MAF: variants seen among roughly 807,000 people sequenced by gnomAD.
MAF encodes MAF bZIP transcription factor.
In MAF, 10 loss-of-function variants were observed where a neutral mutation model predicts 22.0. The observed-to-expected ratio is 0.45, with a 90% CI of 0.28 to 0.77. MAF has a LOEUF of 0.77. Ranked by LOEUF, MAF falls within the 30% of genes least tolerant of loss-of-function variation. The pLI is 0.12. For missense variants in MAF, 544 were observed against 548.4 expected (o/e 0.99, Z 0.08); for synonymous variants, 337 against 255.8 (o/e 1.32, Z -3.03).
the MAF span, among the ~76,000 whole-genome samples, chr16:79,231,798 T>C: frequency 6.6e-6 from 1 of 152,124 alleles, no homozygotes; most frequent in Admixed American, 6.6e-5. Flanking sequence ...TACGGTGAAC[T>C]GTATTTCTAT....
chr16:79,511,910 G>T, the MAF span, among the ~76,000 whole-genome samples: 2 of 152,244 alleles, frequency 1.3e-5, no homozygotes, highest in Admixed American at 6.5e-5. Context: ...AAGCCACCTT[G>T]ATTAGCTGCA....
At chr16:79,371,654 C>T in the MAF span, among the ~76,000 whole-genome samples, 1 of 152,176 alleles carries the variant, frequency 6.6e-6, no homozygotes, top group Non-Finnish European at 1.5e-5. Context: ...TCCCTAAAAA[C>T]CCTTCCCATG....
chr16:79,497,967 C>A, the MAF span, among the ~76,000 whole-genome samples: 3 of 152,192 alleles, frequency 2.0e-5, no homozygotes, highest in African/African-American at 7.2e-5. Flanking sequence ...GAAGACACCA[C>A]TCTGAGAGTA....
the MAF span, among the ~76,000 whole-genome samples, chr16:79,304,070 T>G: frequency 6.6e-6 from 1 of 152,238 alleles, no homozygotes; most frequent in Non-Finnish European, 1.5e-5. Context: ...GGGAACCTTG[T>G]GGGACCCAAG....
chr16:79,550,450 G>T, the MAF span, among the ~76,000 whole-genome samples: 1 of 152,062 alleles, frequency 6.6e-6, no homozygotes. Flanking sequence ...ATCACTCCCA[G>T]GTCTTTGACT....
At chr16:79,369,980 G>A in the MAF span, among the ~76,000 whole-genome samples, 2 of 152,154 alleles carry the variant, frequency 1.3e-5, no homozygotes, top group South Asian at 4.2e-4. Flanking sequence ...TCTTTTCTTG[G>A]CACTCAGTAG....
chr16:79,376,839 C>A, the MAF span, among the ~76,000 whole-genome samples: 8 of 152,196 alleles, frequency 5.3e-5, no homozygotes, highest in Admixed American at 2.6e-4. Context: ...CATGTTCCTA[C>A]AAAGGACATG....
At chr16:79,351,432 G>C in the MAF span, among the ~76,000 whole-genome samples, 1 of 152,148 alleles carries the variant, frequency 6.6e-6, no homozygotes, top group Non-Finnish European at 1.5e-5. Context: ...GCGGGAGAGA[G>C]GTTTTATTGT....
the MAF span, among the ~76,000 whole-genome samples, chr16:79,451,060 T>C: frequency 6.6e-6 from 1 of 152,108 alleles, no homozygotes; most frequent in Non-Finnish European, 1.5e-5. Flanking sequence ...TCTCATAAAA[T>C]GTGTCTTTTT....
At chr16:79,295,451 G>A in the MAF span, among the ~76,000 whole-genome samples, 1 of 152,214 alleles carries the variant, frequency 6.6e-6, no homozygotes, top group Non-Finnish European at 1.5e-5. Flanking sequence ...ACAGCTCGGT[G>A]TTTGCCTTAT....
At chr16:79,354,736 G>C in the MAF span, among the ~76,000 whole-genome samples, 31 of 152,294 alleles carry the variant, frequency 2.0e-4, no homozygotes, top group East Asian at 5.8e-3. Flanking sequence ...AATTTAATTA[G>C]ATCCTCTCCA....
At chr16:79,232,651 C>A in the MAF span, among the ~76,000 whole-genome samples, 1 of 151,850 alleles carries the variant, frequency 6.6e-6, no homozygotes, top group Non-Finnish European at 1.5e-5. Context: ...GAAGTTAAAT[C>A]AAAATAAAAA....
the MAF span, among the ~76,000 whole-genome samples, chr16:79,576,545 G>C: frequency 1.3e-5 from 2 of 150,866 alleles, no homozygotes. Flanking sequence ...TTCAGGAGGA[G>C]TGCTATTTTT....
the MAF span, among the ~76,000 whole-genome samples, chr16:79,264,868 C>G: frequency 6.6e-6 from 1 of 152,132 alleles, no homozygotes. Context: ...TCCCTCCACC[C>G]CACAGTTCCC....
chr16:79,378,813 T>C, the MAF span, among the ~76,000 whole-genome samples: 2 of 152,228 alleles, frequency 1.3e-5, no homozygotes. Flanking sequence ...GTTATTGGCA[T>C]TTTAAATAAT....
chr16:79,597,300 A>T (rs2143780353), intron 1 of MAF: 1 of 1,041,660 alleles, frequency 9.6e-7, no homozygotes, highest in South Asian at 4.6e-5. Flanking sequence ...AAAAACTAGA[A>T]TTAAATTATA....
rs372925326 is a variant in MAF at position 79,594,664 on chromosome 16, CTT to C, written c.1119-113_1119-112del. 2.6e-4 allele frequency: 400 copies of C among 1,515,404 alleles called. No individual in the cohort carries two copies. In the African/African-American group the frequency reaches 4.5e-3, roughly 17 times the overall value. 93.9% of individuals were successfully genotyped at this position (1,515,404 alleles called of 1,614,324 possible). A position where few individuals can be genotyped will look rare whatever the true frequency, so the allele number is the denominator to read the frequency against. On this transcript the variant is annotated intron_variant, in intron 1 of 1. Coordinates refer to ENST00000326043, the MANE Select transcript of MAF (RefSeq NM_005360.5). ...ATTTTTTTTTTTTTAAATTTAGAGACTTATTGTAATGAATGGCACTTACTCAG... is the reference window on the plus strand; with the variant it reads ...ATTTTTTTTTTTTTAAATTTAGAGACATTGTAATGAATGGCACTTACTCAG...
At chr16:79,594,885 C>A in intron 1 of MAF, 2 of 1,209,268 alleles carry the variant, frequency 1.7e-6, no homozygotes, top group South Asian at 2.2e-5. Context: ...GGGGCCCAAA[C>A]CTGCTTATTA....
the MAF span, among the ~76,000 whole-genome samples, chr16:79,394,485 T>G: frequency 6.6e-6 from 1 of 152,214 alleles, no homozygotes; most frequent in Non-Finnish European, 1.5e-5. Context: ...GCATTTTGAT[T>G]ACTTGTTTAC....
Sources: gnomAD v4.1 joint callset for allele counts (sites outside exome capture counted in the v4.1 genomes callset) on GRCh38, gnomAD v4.1.1 for gene constraint, MANE v1.5 for transcripts, NCBI Gene and HGNC (gene_info 2026-07-23, HGNC 2026-07-21) for gene names.